MYL10: variants seen among roughly 807,000 people sequenced by gnomAD.
MYL10 encodes the protein myosin light chain 10, also known as myosin regulatory light chain 10.
MYL10 carries 18 observed loss-of-function variants against 21.9 expected under a neutral mutation model. That is an observed-to-expected ratio of 0.82 (90% CI 0.57 to 1.22). MYL10 has a LOEUF of 1.22. Ranked by LOEUF, MYL10 falls within the 50% of genes most tolerant of loss-of-function variation. The pLI is 0.00. For synonymous variants in MYL10, 88 were observed against 82.8 expected (o/e 1.06, Z -0.34); for missense variants, 225 against 230.4 (o/e 0.98, Z 0.15).
At chr7:101,628,627 G>T (rs751885010) in intron 1 of MYL10, among the ~76,000 whole-genome samples, 4 of 152,156 alleles carry the variant, frequency 2.6e-5, no homozygotes, top group African/African-American at 4.8e-5. Context: ...GCCCTGGAAA[G>T]CCCCTCCTGT....
rs1796771479 is a variant in MYL10, at chr7:101,628,454, T to C, written c.78+587A>G. Among the ~76,000 whole-genome samples the C allele has an allele frequency of 2.0e-5, 3 of 152,152 alleles. No individual in the cohort carries two copies. In the South Asian group the frequency reaches 6.2e-4, roughly 32 times the overall value. ...CTGGGCGACAGAGTGAGATATTGTC[T>C]CTTAAAAAAAAGAAAACAGAAAACT... is the stretch of plus-strand genomic sequence containing the variant. On this transcript the variant is annotated intron_variant, in intron 1 of 7. Transcript: ENST00000223167.
At chr7:101,628,897 G>T (rs906747148) in intron 1 of MYL10, 144 bp downstream of exon 1, 5 of 355,888 alleles carry the variant, frequency 1.4e-5, no homozygotes, top group South Asian at 6.2e-5. Flanking sequence ...AACACAGAAG[G>T]TCAGGCCATG....
intron 1 of MYL10, among the ~76,000 whole-genome samples, chr7:101,627,861 G>A (rs147106517): frequency 6.6e-6 from 1 of 152,348 alleles, no homozygotes; most frequent in Non-Finnish European, 1.5e-5. Context: ...GTGTTGCCCA[G>A]GGTGGGGCCA....
At chr7:101,614,503 C>T (rs1325351743) in intron 6 of MYL10, among the ~76,000 whole-genome samples, 1 of 152,222 alleles carries the variant, frequency 6.6e-6, no homozygotes, top group African/African-American at 2.4e-5. Flanking sequence ...GCAGTGCCTT[C>T]AGTTCCCAAA....
chr7:101,620,778 CTTT>C (rs1392044633), intron 5 of MYL10, among the ~76,000 whole-genome samples: 5 of 134,048 alleles, frequency 3.7e-5, no homozygotes, highest in Non-Finnish European at 6.5e-5. Flanking sequence ...CTGACCCTTC[CTTT>C]TTTTTTTTTT....
chr7:101,622,863 G>C, intron 4 of MYL10, 134 bp downstream of exon 4: 1 of 715,220 alleles, frequency 1.4e-6, no homozygotes. Flanking sequence ...TTTCCAGACA[G>C]TGGCTGCCTT....
intron 5 of MYL10, among the ~76,000 whole-genome samples, chr7:101,620,726 G>A (rs1480788723): frequency 6.6e-6 from 1 of 151,924 alleles, no homozygotes; most frequent in African/African-American, 2.4e-5. Flanking sequence ...GCCTGAGGGT[G>A]CAGAGCTGAC....
chr7:101,624,306 G>C, intron 1 of MYL10, 42 bp from the exon 2 acceptor site: 1 of 1,508,588 alleles, frequency 6.6e-7, no homozygotes, highest in Non-Finnish European at 9.1e-7. Flanking sequence ...CCCCTGCCTC[G>C]AGGGTCAGCC....
chr7:101,623,694 CAAA>C (rs11337754), intron 3 of MYL10, among the ~76,000 whole-genome samples: 5 of 66,542 alleles, frequency 7.5e-5, no homozygotes, highest in Admixed American at 1.9e-4. Flanking sequence ...GACCCTGTCT[CAAA>C]AAAAAAAAAA....
intron 5 of MYL10, among the ~76,000 whole-genome samples, chr7:101,620,934 A>AC (rs1348932363): frequency 6.6e-6 from 1 of 151,720 alleles, no homozygotes; most frequent in Non-Finnish European, 1.5e-5. Flanking sequence ...GATTACGGGC[A>AC]CCCACCACCA....
At chr7:101,619,744 G>A (rs994200699) in intron 5 of MYL10, among the ~76,000 whole-genome samples, 4 of 152,006 alleles carry the variant, frequency 2.6e-5, no homozygotes, top group Admixed American at 2.6e-4. Flanking sequence ...AAAAAAATTA[G>A]ACGAGCGTGG....
chr7:101,627,305 A>G (rs1423249921), intron 1 of MYL10, among the ~76,000 whole-genome samples: 2 of 128,852 alleles, frequency 1.6e-5, no homozygotes, highest in Non-Finnish European at 3.5e-5. Flanking sequence ...TCTAAAAAAG[A>G]AAAGGAATTG....
chr7:101,620,086 C>T (rs1796659172), intron 5 of MYL10, among the ~76,000 whole-genome samples: 1 of 151,826 alleles, frequency 6.6e-6, no homozygotes, highest in African/African-American at 2.4e-5. Context: ...GTTTGGGAGG[C>T]GGATATGGGC....
At chr7:101,624,064 A>G in intron 2 of MYL10, 43 bp from the exon 3 acceptor site, 1 of 716,404 alleles carries the variant, frequency 1.4e-6, no homozygotes, top group Non-Finnish European at 2.5e-6. Context: ...AGTAATAATG[A>G]CATCTTCAGC....
chr7:101,623,464 G>C (rs1339594654), intron 3 of MYL10, among the ~76,000 whole-genome samples: 12 of 152,218 alleles, frequency 7.9e-5, no homozygotes, highest in Non-Finnish European at 1.5e-5. Flanking sequence ...GGAGGCAGAG[G>C]CAGGAGGATT....
At chr7:101,617,550 A>C (rs1325593571) in intron 5 of MYL10, among the ~76,000 whole-genome samples, 3 of 152,244 alleles carry the variant, frequency 2.0e-5, no homozygotes, top group Non-Finnish European at 4.4e-5. Context: ...TAGGTCAGCC[A>C]GGGCCATGTG....
intron 5 of MYL10, 48 bp from the exon 6 acceptor site, chr7:101,616,346 C>T (rs368209720): frequency 5.1e-5 from 76 of 1,487,386 alleles, no homozygotes; most frequent in Non-Finnish European, 6.5e-5. Context: ...TGAAGAGGGC[C>T]CCACAGGGAC....
chr7:101,619,909 AT>A (rs1796656584), intron 5 of MYL10, among the ~76,000 whole-genome samples: 3 of 150,992 alleles, frequency 2.0e-5, no homozygotes, highest in Non-Finnish European at 4.4e-5. Flanking sequence ...AAAAAAAAAG[AT>A]ATGTCCACCA....
At chr7:101,622,858 A>C in intron 4 of MYL10, 139 bp downstream of exon 4, 4 of 621,284 alleles carry the variant, frequency 6.4e-6, no homozygotes, top group Non-Finnish European at 7.8e-6. Context: ...CTGACTTTCC[A>C]GACAGTGGCT....
Sources: gnomAD v4.1 joint callset for allele counts (sites outside exome capture counted in the v4.1 genomes callset) on GRCh38, gnomAD v4.1.1 for gene constraint, MANE v1.5 for transcripts, NCBI Gene and HGNC (gene_info 2026-07-23, HGNC 2026-07-21) for gene names.